Variants in PTP4A2 observed in about 807,000 individuals in gnomAD.
PTP4A2 encodes the protein protein tyrosine phosphatase 4A2.
Under a neutral mutation model 22.9 loss-of-function variants are expected in PTP4A2, and 2 were observed. That is an observed-to-expected ratio of 0.09 (90% CI 0.04 to 0.27). PTP4A2 has a LOEUF of 0.27. Among genes scored for constraint, PTP4A2 ranks in the 10% least tolerant of loss-of-function variants. The pLI, the probability that PTP4A2 is intolerant of heterozygous loss-of-function variation, is 1.00. For synonymous variants in PTP4A2, 68 were observed against 69.1 expected (o/e 0.98, Z 0.08); for missense variants, 103 against 205.1 (o/e 0.50, Z 3.04).
chr1:31,917,377 T>C (rs146405275), intron 2 of PTP4A2, among the ~76,000 whole-genome samples: 4 of 152,336 alleles, frequency 2.6e-5, no homozygotes, highest in Middle Eastern at 3.4e-3. Flanking sequence ...GGACTTCATT[T>C]TTCACAAAAA....
intron 1 of PTP4A2, among the ~76,000 whole-genome samples, chr1:31,920,214 C>T (rs565383913): frequency 7.4e-5 from 11 of 149,174 alleles, no homozygotes; most frequent in South Asian, 2.1e-4. Context: ...GAGGCTGAGG[C>T]GGGCAGATCA....
chr1:31,931,244 T>C (rs958093857), intron 1 of PTP4A2: 5 of 152,068 alleles, frequency 3.3e-5, no homozygotes, highest in Non-Finnish European at 7.4e-5. Flanking sequence ...AAGAATGGAG[T>C]AGGATTAAGA....
chr1:31,916,056 C>A, intron 2 of PTP4A2, 69 bp from the exon 3 acceptor site: 1 of 1,077,562 alleles, frequency 9.3e-7, no homozygotes, highest in South Asian at 1.5e-5. Flanking sequence ...TAGAAATGTA[C>A]TATTATAGGC....
In PTP4A2 at chr1:31,919,130, A is replaced by G. The variant is rs986878276; in HGVS notation, c.-65T>C. 3 of 805,996 alleles carry G rather than the reference A, an allele frequency of 3.7e-6. No homozygotes were observed. In the African/African-American group the frequency reaches 5.2e-5, roughly 14 times the overall value. 49.9% of individuals were successfully genotyped at this position (805,996 alleles called of 1,614,324 possible). A position where few individuals can be genotyped will look rare whatever the true frequency, so the allele number is the denominator to read the frequency against. ...TGGGGAAAGTGAAAAAAAAAAATCA[A>G]TAAATCTTGAAATGTTTCACAGCAG... On this transcript the variant is annotated 5_prime_UTR_variant, in exon 2 of 6. Transcript: ENST00000647444.
chr1:31,922,618 CTTTCTTTCTTTCTTTCT>C (rs1475332538), intron 1 of PTP4A2, among the ~76,000 whole-genome samples: 2 of 135,562 alleles, frequency 1.5e-5, no homozygotes, highest in African/African-American at 7.2e-5. Flanking sequence ...TTCTTTCTTT[CTTTCTTTCTTTCTTTCT>C]TTTATTTATT....
chr1:31,909,991 C>T, intron 5 of PTP4A2, 47 bp downstream of exon 5: 12 of 1,489,124 alleles, frequency 8.1e-6, no homozygotes, highest in South Asian at 1.1e-5. Context: ...CTTCCTCATG[C>T]ATGATCTTGC....
chr1:31,929,162 C>T (rs931135337), intron 1 of PTP4A2, among the ~76,000 whole-genome samples: 1 of 152,216 alleles, frequency 6.6e-6, no homozygotes, highest in Non-Finnish European at 1.5e-5. Flanking sequence ...CATTTTTCCT[C>T]TAAAGATTTC....
chr1:31,917,414 A>C (rs958559086), intron 2 of PTP4A2, among the ~76,000 whole-genome samples: 1 of 152,212 alleles, frequency 6.6e-6, no homozygotes, highest in Non-Finnish European at 1.5e-5. Context: ...AGACTCAAGA[A>C]AGGTAGAAGT....
chr1:31,929,063 T>G (rs1385846953), intron 1 of PTP4A2, among the ~76,000 whole-genome samples: 2 of 152,208 alleles, frequency 1.3e-5, no homozygotes, highest in African/African-American at 2.4e-5. Flanking sequence ...TTCTAGTAAT[T>G]TCTACCTCTA....
rs1277764058 is a variant in PTP4A2 at position 31,919,498 on chromosome 1, A to G, written c.-433T>C. ...AAAAAAAAAAAGCCAACTATTTCTGAGGCCAGTCTCGGTGTCCAGGAGTCT... is the reference window on the plus strand; with the variant it reads ...AAAAAAAAAAAGCCAACTATTTCTGGGGCCAGTCTCGGTGTCCAGGAGTCT... On this transcript the variant is annotated 5_prime_UTR_variant, in exon 2 of 6. Coordinates refer to ENST00000647444, the MANE Select transcript of PTP4A2 (RefSeq NM_080391.4). 1.3e-5 allele frequency: 2 copies of G among 153,226 alleles called. No homozygotes were observed. The highest frequency in any genetic ancestry group is 2.9e-5 in the Non-Finnish European group (2 of 68,800). The allele number at this position is 153,226 out of a possible 1,614,324, so 9.5% of individuals were successfully genotyped here. A position where few individuals can be genotyped will look rare whatever the true frequency, so the allele number is the denominator to read the frequency against.
At chr1:31,927,400 G>A (rs1652515192) in intron 1 of PTP4A2, among the ~76,000 whole-genome samples, 2 of 152,188 alleles carry the variant, frequency 1.3e-5, no homozygotes, top group South Asian at 4.1e-4. Flanking sequence ...TACTTATCAG[G>A]TACTATGCTT....
intron 5 of PTP4A2, 44 bp downstream of exon 5, chr1:31,909,994 G>T: frequency 6.6e-7 from 1 of 1,503,974 alleles, no homozygotes; most frequent in South Asian, 1.1e-5. Context: ...CCTCATGCAT[G>T]ATCTTGCTTT....
chr1:31,918,852 A>G (rs942948301), intron 2 of PTP4A2, 118 bp downstream of exon 2: 1 of 624,116 alleles, frequency 1.6e-6, no homozygotes, highest in African/African-American at 1.9e-5. Flanking sequence ...AACCCAATTC[A>G]AACCAGGATT....
intron 1 of PTP4A2, among the ~76,000 whole-genome samples, chr1:31,935,857 T>TCTCACTGG: frequency 6.6e-6 from 1 of 151,962 alleles, no homozygotes; most frequent in South Asian, 2.1e-4. Flanking sequence ...TGAGAGAGGG[T>TCTCACTGG]CTCACTGGCT....
At chr1:31,922,903 T>A (rs995367377) in intron 1 of PTP4A2, among the ~76,000 whole-genome samples, 8 of 151,826 alleles carry the variant, frequency 5.3e-5, no homozygotes, top group African/African-American at 1.9e-4. Context: ...ATTACAGGCA[T>A]GAGTCACCGT....
At chr1:31,913,820 C>A in intron 3 of PTP4A2, 2 of 456,222 alleles carry the variant, frequency 4.4e-6, no homozygotes, top group South Asian at 3.1e-5. Flanking sequence ...TATGGTCAAT[C>A]CAGTCATTTT....
At chr1:31,916,063 A>G in intron 2 of PTP4A2, 76 bp from the exon 3 acceptor site, 1 of 1,016,322 alleles carries the variant, frequency 9.8e-7, no homozygotes, top group Non-Finnish European at 1.4e-6. Flanking sequence ...GTACTATTAT[A>G]GGCCGGGCGG....
At chr1:31,910,000 GCTTT>G (rs1651451330) in intron 5 of PTP4A2, 34 bp downstream of exon 5, 4 of 1,517,094 alleles carry the variant, frequency 2.6e-6, no homozygotes, top group Non-Finnish European at 3.7e-6. Context: ...GCATGATCTT[GCTTT>G]CTGTGTTTCT....
rs1329258603 is a variant in PTP4A2 at position 31,906,889 on chromosome 1, A to G, written c.*1963T>C. On this transcript the variant is annotated 3_prime_UTR_variant, in exon 6 of 6. Transcript: ENST00000647444. ...GAATCAACACCATCTATCTTAGCTT[A>G]GCAGGTATGCTGTTTTGATCTTGAG... 1 of 152,214 alleles carries G rather than the reference A, an allele frequency of 6.6e-6. No homozygotes were observed. The highest frequency in any genetic ancestry group is 2.4e-5 in the African/African-American group (1 of 41,448). The allele number at this position is 152,214 out of a possible 1,614,324, so 9.4% of individuals were successfully genotyped here. A position where few individuals can be genotyped will look rare whatever the true frequency, so the allele number is the denominator to read the frequency against.
Sources: allele counts gnomAD v4.1 joint callset (sites outside exome capture counted in the v4.1 genomes callset), GRCh38; gene constraint gnomAD v4.1.1; transcripts MANE v1.5; gene names NCBI Gene and HGNC (gene_info 2026-07-23, HGNC 2026-07-21).